IL1RAPL1: variants seen among roughly 807,000 people sequenced by gnomAD.
The protein encoded by IL1RAPL1 is interleukin 1 receptor accessory protein like 1, also known as interleukin-1 receptor accessory protein-like 1.
IL1RAPL1 carries 3 observed loss-of-function variants against 48.4 expected under a neutral mutation model. That is an observed-to-expected ratio of 0.06 (90% CI 0.03 to 0.16). The LOEUF (loss-of-function observed/expected upper bound fraction) is 0.16. Ranked by LOEUF, IL1RAPL1 falls within the 10% of genes least tolerant of loss-of-function variation. IL1RAPL1 has a pLI of 1.00. For missense variants in IL1RAPL1, 349 were observed against 530.6 expected (o/e 0.66, Z 3.36); for synonymous variants, 185 against 187.7 (o/e 0.99, Z 0.12).
chrX:29,116,707 AG>A (rs756568268), intron 2 of IL1RAPL1, among the ~76,000 whole-genome samples: 7 of 111,731 alleles, frequency 6.3e-5, no homozygotes, highest in African/African-American at 1.9e-4. Flanking sequence ...CTGGGGAAAT[AG>A]GTGTTATAGT....
chrX:28,740,871 C>A (rs1380612036), intron 1 of IL1RAPL1, among the ~76,000 whole-genome samples: 1 of 111,890 alleles, frequency 8.9e-6, no homozygotes, highest in African/African-American at 3.2e-5. Flanking sequence ...ATATGTACCA[C>A]ATTTTCTTTA....
chrX:28,958,409 T>C (rs1412812628), intron 2 of IL1RAPL1, among the ~76,000 whole-genome samples: 1 of 111,315 alleles, frequency 9.0e-6, no homozygotes, highest in Non-Finnish European at 1.9e-5. Context: ...TTCCTATGGG[T>C]GTGATTGAAA....
intron 2 of IL1RAPL1, among the ~76,000 whole-genome samples, chrX:29,163,217 G>T (rs890335769): frequency 5.4e-5 from 6 of 111,751 alleles, no homozygotes; most frequent in African/African-American, 1.9e-4. Context: ...CCAAAGAAAG[G>T]AAGGTAATAG....
At chrX:29,420,273 T>G (rs1483573680) in intron 5 of IL1RAPL1, among the ~76,000 whole-genome samples, 1 of 112,286 alleles carries the variant, frequency 8.9e-6, no homozygotes, top group East Asian at 2.8e-4. Flanking sequence ...TTAGGCAAGT[T>G]TTACCAATGC....
chrX:29,236,195 G>A (rs1488966830), intron 2 of IL1RAPL1, among the ~76,000 whole-genome samples: 2 of 112,291 alleles, frequency 1.8e-5, no homozygotes, highest in East Asian at 5.5e-4. Flanking sequence ...AGTCTTAATT[G>A]AAATAAAATT....
intron 3 of IL1RAPL1, among the ~76,000 whole-genome samples, chrX:29,289,419 A>G (rs1932337479): frequency 2.7e-5 from 3 of 111,835 alleles, no homozygotes; most frequent in Non-Finnish European, 5.6e-5. Context: ...TGTGTTTTTT[A>G]TTCCATACCT....
chrX:29,077,644 A>C (rs933088058), intron 2 of IL1RAPL1, among the ~76,000 whole-genome samples: 1 of 110,530 alleles, frequency 9.0e-6, no homozygotes, highest in Non-Finnish European at 1.9e-5. Flanking sequence ...CCGAAAACCT[A>C]CCAAATAAGT....
At chrX:28,962,584 G>A (rs1022964979) in intron 2 of IL1RAPL1, among the ~76,000 whole-genome samples, 2 of 110,582 alleles carry the variant, frequency 1.8e-5, no homozygotes, top group Non-Finnish European at 3.8e-5. Context: ...TGTATTAACC[G>A]ACTGTAGATT....
chrX:28,716,879 A>T (rs1256143054), intron 1 of IL1RAPL1, among the ~76,000 whole-genome samples: 2 of 112,050 alleles, frequency 1.8e-5, no homozygotes, highest in Non-Finnish European at 3.8e-5. Flanking sequence ...AGGAAGGCAG[A>T]CACATGGACA....
intron 3 of IL1RAPL1, among the ~76,000 whole-genome samples, chrX:29,328,282 A>C (rs931377377): frequency 1.8e-5 from 2 of 111,779 alleles, no homozygotes; most frequent in African/African-American, 6.5e-5. Flanking sequence ...TCTAGGCTGC[A>C]GCAACAAGGT....
chrX:29,730,738 T>TA (rs1210547034), intron 6 of IL1RAPL1, among the ~76,000 whole-genome samples: 1 of 112,177 alleles, frequency 8.9e-6, no homozygotes, highest in Non-Finnish European at 1.9e-5. Context: ...GTAGAATTGT[T>TA]ACAAATCTAT....
intron 2 of IL1RAPL1, among the ~76,000 whole-genome samples, chrX:28,843,035 C>T (rs923039090): frequency 9.1e-6 from 1 of 109,896 alleles, no homozygotes; most frequent in African/African-American, 3.3e-5. Flanking sequence ...CAAGCAATTT[C>T]GTGTCTTATA....
chrX:29,502,379 G>A (rs1366536952), intron 5 of IL1RAPL1, among the ~76,000 whole-genome samples: 2 of 111,115 alleles, frequency 1.8e-5, no homozygotes, highest in Admixed American at 9.6e-5. Flanking sequence ...GTGAAAGTGC[G>A]CATCCTTGTC....
chrX:28,960,001 G>C (rs1351448375), intron 2 of IL1RAPL1, among the ~76,000 whole-genome samples: 5 of 111,805 alleles, frequency 4.5e-5, no homozygotes, highest in Admixed American at 9.5e-5. Context: ...AGAGGACCCA[G>C]GTAACAAAGG....
intron 2 of IL1RAPL1, among the ~76,000 whole-genome samples, chrX:29,236,125 G>C (rs1464559309): frequency 7.1e-5 from 8 of 112,503 alleles, no homozygotes; most frequent in African/African-American, 2.6e-4. Context: ...GGTTGCTATA[G>C]TCTAATAAAT....
chrX:29,260,928 TAATA>T (rs1931846259), intron 2 of IL1RAPL1, among the ~76,000 whole-genome samples: 1 of 107,160 alleles, frequency 9.3e-6, no homozygotes, highest in African/African-American at 3.4e-5. Context: ...ATATTATATA[TAATA>T]AATATAGTAT....
chrX:29,312,728 C>A (rs766039983), intron 3 of IL1RAPL1, among the ~76,000 whole-genome samples: 1 of 111,348 alleles, frequency 9.0e-6, no homozygotes, highest in Non-Finnish European at 1.9e-5. Flanking sequence ...GCTCTGTGTC[C>A]CACCTAGATC....
intron 2 of IL1RAPL1, among the ~76,000 whole-genome samples, chrX:28,882,616 G>A (rs113056192): frequency 6.3e-5 from 7 of 110,314 alleles, no homozygotes; most frequent in African/African-American, 9.9e-5. Context: ...GCACTCCAGC[G>A]TGGGTCACAA....
At chrX:29,763,739 A>G (rs1018245297) in intron 6 of IL1RAPL1, among the ~76,000 whole-genome samples, 28 of 111,288 alleles carry the variant, frequency 2.5e-4, no homozygotes, top group African/African-American at 8.8e-4. Flanking sequence ...GTCTCAGGGC[A>G]TAGGTTCAAG....
Sources: gnomAD v4.1 joint callset for allele counts (sites outside exome capture counted in the v4.1 genomes callset) on GRCh38, gnomAD v4.1.1 for gene constraint, MANE v1.5 for transcripts, NCBI Gene and HGNC (gene_info 2026-07-23, HGNC 2026-07-21) for gene names.